The following TTC3 variants were observed in gnomAD, a reference collection of about 807,000 sequenced individuals.
The protein encoded by TTC3 is tetratricopeptide repeat domain 3.
TTC3 carries 180 observed loss-of-function variants against 249.6 expected under a neutral mutation model. The observed-to-expected ratio is 0.72, with a 90% CI of 0.64 to 0.82. TTC3 has a LOEUF of 0.82. Among genes scored for constraint, TTC3 ranks in the 40% least tolerant of loss-of-function variants. TTC3 has a pLI of 0.00. For synonymous variants in TTC3, 717 were observed against 805.0 expected, an observed-to-expected ratio of 0.89 and a Z score of 1.85; for missense variants, 2,061 against 2,398.4, an observed-to-expected ratio of 0.86 and a Z score of 2.94.
At chr21:37,147,495 A>G (rs753984169) in exon 22 of TTC3, 1 of 1,606,790 alleles carries the variant, frequency 6.2e-7, no homozygotes, top group South Asian at 1.1e-5. Flanking sequence ...TGTTAGAGAA[A>G]TTTGTTGAAG....
chr21:37,164,178 G>C (rs1273729866), exon 32 of TTC3: 1 of 1,611,046 alleles, frequency 6.2e-7, no homozygotes, highest in Non-Finnish European at 8.5e-7. Context: ...GAAGCTATGG[G>C]ACATGAACCC....
At chr21:37,187,022 G>GTTT in intron 37 of TTC3, 27 bp from the exon 38 acceptor site, 1 of 1,358,678 alleles carries the variant, frequency 7.4e-7, no homozygotes, top group Admixed American at 2.7e-5. Flanking sequence ...GTTCAAGAAA[G>GTTT]TTTTTTTTTT....
chr21:37,100,093 A>G (rs2074328302), intron 10 of TTC3, among the ~76,000 whole-genome samples: 1 of 152,198 alleles, frequency 6.6e-6, no homozygotes, highest in African/African-American at 2.4e-5. Flanking sequence ...TGGGCATGTT[A>G]AACACCCGGG....
intron 15 of TTC3, among the ~76,000 whole-genome samples, chr21:37,127,481 ATAC>A (rs2077125966): frequency 6.6e-6 from 1 of 152,198 alleles, no homozygotes; most frequent in Non-Finnish European, 1.5e-5. Context: ...CTGAATCTTA[ATAC>A]CACCAGAGTT....
At chr21:37,127,500 A>C (rs781725579) in intron 15 of TTC3, among the ~76,000 whole-genome samples, 28 of 152,234 alleles carry the variant, frequency 1.8e-4, no homozygotes, top group Admixed American at 5.2e-4. Context: ...GAGTTTGATG[A>C]AAATCCTCTA....
chr21:37,199,533 G>GC (rs1410588056), intron 44 of TTC3, among the ~76,000 whole-genome samples: 3 of 152,192 alleles, frequency 2.0e-5, no homozygotes, highest in African/African-American at 7.2e-5. Context: ...TCTGCGTCCA[G>GC]CACCCGACAC....
At chr21:37,094,015 C>T (rs762961956) in exon 8 of TTC3, 15 of 1,602,784 alleles carry the variant, frequency 9.4e-6, no homozygotes, top group South Asian at 7.8e-5. Flanking sequence ...ACAAGTACCA[C>T]ATAACTAAAA....
chr21:37,180,699 A>G (rs1407783488), intron 35 of TTC3, among the ~76,000 whole-genome samples: 1 of 151,068 alleles, frequency 6.6e-6, no homozygotes, highest in Non-Finnish European at 1.5e-5. Context: ...AGCATGGCAC[A>G]TGTATACATA....
At chr21:37,201,207 G>C (rs1348364372) in intron 45 of TTC3, among the ~76,000 whole-genome samples, 1 of 152,212 alleles carries the variant, frequency 6.6e-6, no homozygotes, top group African/African-American at 2.4e-5. Flanking sequence ...CCTGAGGCCA[G>C]GTTGGAGGCC....
intron 11 of TTC3, among the ~76,000 whole-genome samples, chr21:37,114,320 A>G (rs547814800): frequency 1.3e-5 from 2 of 152,264 alleles, no homozygotes; most frequent in East Asian, 3.9e-4. Context: ...AGAATCTACA[A>G]TGAACTCAAA....
intron 11 of TTC3, among the ~76,000 whole-genome samples, chr21:37,115,426 G>A (rs1158272225): frequency 2.6e-5 from 4 of 152,116 alleles, no homozygotes; most frequent in African/African-American, 9.7e-5. Context: ...CAGTAAACTG[G>A]TGGGAGTGTG....
At chr21:37,123,639 G>A (rs1195188560) in intron 13 of TTC3, among the ~76,000 whole-genome samples, 1 of 152,140 alleles carries the variant, frequency 6.6e-6, no homozygotes, top group Non-Finnish European at 1.5e-5. Context: ...GTAGCATGCT[G>A]AACATGTAGA....
chr21:37,198,477 G>A (rs990821771), intron 44 of TTC3, among the ~76,000 whole-genome samples: 4 of 152,176 alleles, frequency 2.6e-5, no homozygotes, highest in Non-Finnish European at 4.4e-5. Flanking sequence ...AAGATAGACC[G>A]TGATTGCCTG....
chr21:37,143,569 C>T (rs906042900), intron 20 of TTC3, among the ~76,000 whole-genome samples: 2 of 151,646 alleles, frequency 1.3e-5, no homozygotes, highest in East Asian at 1.9e-4. Flanking sequence ...GTTAGAATGG[C>T]GATCATTAAA....
Position 37,164,114 on chromosome 21 carries a change from AG to A in TTC3, c.3235del (p.Glu1079AsnfsTer23). ...CTGACCATCTTCGGCAAGATGTAGA[AG>A]AATTCGAAGCTCTCTATGACCAACA... On this transcript the variant is annotated frameshift_variant, in exon 32 of 46. Coordinates refer to ENST00000355666, the Ensembl canonical transcript of TTC3. LOFTEE classifies it high-confidence loss of function. 6.2e-7 allele frequency: 1 copy of A among 1,613,646 alleles called. No homozygotes were observed. The highest frequency in any genetic ancestry group is 8.5e-7 in the Non-Finnish European group (1 of 1,179,972).
chr21:37,156,743 G>T (rs773549079), exon 28 of TTC3: 27 of 1,614,040 alleles, frequency 1.7e-5, no homozygotes, highest in Non-Finnish European at 6.8e-6. Flanking sequence ...TCTGGAATGA[G>T]AAATATGGTC....
rs1344067788 is a variant in TTC3, at chr21:37,150,058, T to C, written c.2119-20T>C. On this transcript the variant is annotated intron_variant, in intron 23 of 45. Transcript: ENST00000355666. Reference sequence around the variant, plus strand: ...CTAGACATAACATTTTTCTTGTTTTTTTTTTTTTTAATCAAATAGGATTTT... The same window carrying C: ...CTAGACATAACATTTTTCTTGTTTTCTTTTTTTTTAATCAAATAGGATTTT... 2 of 1,564,662 alleles carry C rather than the reference T, an allele frequency of 1.3e-6. No individual in the cohort carries two copies. The highest frequency in any genetic ancestry group is 1.7e-6 in the Non-Finnish European group (2 of 1,144,420).
At chr21:37,074,970 CT>C (rs954464908) in intron 1 of TTC3, among the ~76,000 whole-genome samples, 4 of 151,460 alleles carry the variant, frequency 2.6e-5, no homozygotes, top group African/African-American at 7.3e-5. Flanking sequence ...TTCAGATACT[CT>C]TTTTTTTTAA....
chr21:37,098,086 G>C, intron 10 of TTC3: 1 of 573,780 alleles, frequency 1.7e-6, no homozygotes, highest in East Asian at 3.0e-5. Context: ...GGAATGGATG[G>C]GCTTGACACA....
Sources: allele counts gnomAD v4.1 joint callset (sites outside exome capture counted in the v4.1 genomes callset), GRCh38; gene constraint gnomAD v4.1.1; transcripts MANE v1.5; gene names NCBI Gene and HGNC (gene_info 2026-07-23, HGNC 2026-07-21).